The following ABLIM1 variants were observed in gnomAD, a reference collection of about 807,000 sequenced individuals.
The protein encoded by ABLIM1 is actin binding LIM protein 1, also known as actin-binding LIM protein 1.
In ABLIM1, 40 loss-of-function variants were observed where a neutral mutation model predicts 107.0. That is an observed-to-expected ratio of 0.37 (90% CI 0.29 to 0.49). ABLIM1 has a LOEUF of 0.49. Among genes scored for constraint, ABLIM1 ranks in the 20% least tolerant of loss-of-function variants. The pLI, the probability that ABLIM1 is intolerant of heterozygous loss-of-function variation, is 0.97. For synonymous variants in ABLIM1, 357 were observed against 357.3 expected (o/e 1.00, Z 0.01); for missense variants, 857 against 1,008.5 (o/e 0.85, Z 2.04).
At chr10:114,641,577 T>C (rs1236568001) in intron 1 of ABLIM1, among the ~76,000 whole-genome samples, 1 of 152,206 alleles carries the variant, frequency 6.6e-6, no homozygotes. Context: ...GGACAGAGAC[T>C]GCTAGGGGGA....
At chr10:114,441,935 A>G (rs935049979) in intron 17 of ABLIM1, 149 bp from the exon 18 acceptor site, 1 of 699,166 alleles carries the variant, frequency 1.4e-6, no homozygotes, top group African/African-American at 1.8e-5. Flanking sequence ...ATATGCCATC[A>G]TATTTGCAAG....
intron 1 of ABLIM1, 53 bp downstream of exon 1, chr10:114,657,904 T>C (rs775946054): frequency 6.9e-7 from 1 of 1,448,600 alleles, no homozygotes; most frequent in Non-Finnish European, 9.6e-7. Context: ...ACTCTCTTAA[T>C]TACGCCAATC....
chr10:114,570,415 C>T (rs1280643640), intron 4 of ABLIM1, among the ~76,000 whole-genome samples: 1 of 151,652 alleles, frequency 6.6e-6, no homozygotes, highest in Non-Finnish European at 1.5e-5. Flanking sequence ...GCAGCTTTTT[C>T]CCACACTTTC....
rs1354030166 is a variant in ABLIM1 at position 114,435,543 on chromosome 10, G to A, written c.*717C>T. The A allele has an allele frequency of 6.6e-6, 1 of 152,232 alleles. No homozygotes were observed. Among genetic ancestry groups the A allele is most frequent in the African/African-American group, 2.4e-5 (1 of 41,450 alleles). The allele number at this position is 152,232 out of a possible 1,614,324, so 9.4% of individuals were successfully genotyped here. ...CTATGGGAAGCAGAAAGAGTTAAGG[G>A]AAGGTTTCCTTTCATTCCTGTTCCT... On this transcript the variant is annotated 3_prime_UTR_variant, in exon 23 of 23. Coordinates refer to ENST00000533213, the MANE Select transcript of ABLIM1 (RefSeq NM_002313.7).
chr10:114,621,717 C>T (rs2077475747), intron 1 of ABLIM1, among the ~76,000 whole-genome samples: 1 of 152,200 alleles, frequency 6.6e-6, no homozygotes, highest in Admixed American at 6.5e-5. Flanking sequence ...ATCAGCATCC[C>T]TCTCAACACC....
chr10:114,569,782 T>C (rs1330067052), intron 4 of ABLIM1, among the ~76,000 whole-genome samples: 1 of 152,170 alleles, frequency 6.6e-6, no homozygotes, highest in Non-Finnish European at 1.5e-5. Flanking sequence ...GAAACCCTAC[T>C]AGGGGTCTAG....
At chr10:114,626,402 T>C (rs1474622141) in intron 1 of ABLIM1, among the ~76,000 whole-genome samples, 1 of 152,182 alleles carries the variant, frequency 6.6e-6, no homozygotes, top group Non-Finnish European at 1.5e-5. Context: ...TTCCTTAAGG[T>C]AGATTGTAGC....
intron 1 of ABLIM1, among the ~76,000 whole-genome samples, chr10:114,702,206 T>G (rs2081319970): frequency 6.6e-6 from 1 of 152,216 alleles, no homozygotes; most frequent in Non-Finnish European, 1.5e-5. Flanking sequence ...TATTTGCAAA[T>G]ATTTTCTCTG....
intron 1 of ABLIM1, among the ~76,000 whole-genome samples, chr10:114,640,968 T>C (rs186689939): frequency 6.6e-5 from 10 of 152,282 alleles, no homozygotes; most frequent in Non-Finnish European, 1.5e-4. Flanking sequence ...ACAGGTGTTC[T>C]ATCCCAAAAG....
intron 6 of ABLIM1, among the ~76,000 whole-genome samples, chr10:114,542,901 C>T (rs1488516010): frequency 6.6e-6 from 1 of 152,212 alleles, no homozygotes; most frequent in Admixed American, 6.5e-5. Flanking sequence ...CTCCAACAGC[C>T]TTCCTGGGGA....
At chr10:114,644,512 T>C (rs934781080) in intron 1 of ABLIM1, among the ~76,000 whole-genome samples, 1 of 151,802 alleles carries the variant, frequency 6.6e-6, no homozygotes, top group Non-Finnish European at 1.5e-5. Flanking sequence ...ATGATCTTTC[T>C]TGACGGACCT....
intron 4 of ABLIM1, among the ~76,000 whole-genome samples, chr10:114,550,382 T>G (rs552141829): frequency 1.7e-5 from 1 of 57,430 alleles, no homozygotes; most frequent in South Asian, 4.1e-4. Context: ...CTGATAGTTT[T>G]TTTTAAAAAA....
At chr10:114,618,598 C>A (rs1159357089) in intron 1 of ABLIM1, among the ~76,000 whole-genome samples, 1 of 152,212 alleles carries the variant, frequency 6.6e-6, no homozygotes, top group East Asian at 1.9e-4. Flanking sequence ...TAAAGATGTG[C>A]AGGCTGTGGC....
chr10:114,484,261 T>A (rs2057839339), intron 8 of ABLIM1, among the ~76,000 whole-genome samples: 1 of 152,090 alleles, frequency 6.6e-6, no homozygotes, highest in African/African-American at 2.4e-5. Context: ...ATCTGTAAAA[T>A]GGGAATAAGA....
the ABLIM1 span, among the ~76,000 whole-genome samples, chr10:114,786,911 G>A: frequency 1.3e-5 from 2 of 151,734 alleles, no homozygotes; most frequent in African/African-American, 2.4e-5. Flanking sequence ...TCTGCCCGGC[G>A]GCCACCCCGT....
At chr10:114,684,798 T>C in exon 1 of ABLIM1, 7 of 880,600 alleles carry the variant, frequency 7.9e-6, no homozygotes, top group Non-Finnish European at 9.5e-6. Context: ...ACACATGAAA[T>C]AAAGAAAGAA....
At chr10:114,481,287 C>T (rs995501869) in intron 8 of ABLIM1, among the ~76,000 whole-genome samples, 21 of 151,830 alleles carry the variant, frequency 1.4e-4, no homozygotes, top group Non-Finnish European at 2.5e-4. Flanking sequence ...CCCTGCCCTC[C>T]CCCCATTCAG....
At chr10:114,462,434 G>T (rs1235557095) in intron 12 of ABLIM1, among the ~76,000 whole-genome samples, 2 of 152,190 alleles carry the variant, frequency 1.3e-5, no homozygotes, top group Admixed American at 1.3e-4. Flanking sequence ...TGATGAAAAA[G>T]AAGGGATGGG....
intron 12 of ABLIM1, among the ~76,000 whole-genome samples, chr10:114,462,117 T>G (rs1212048160): frequency 6.6e-6 from 1 of 152,162 alleles, no homozygotes; most frequent in East Asian, 1.9e-4. Flanking sequence ...TTCGGTAGAC[T>G]GACAACGAAA....
Sources: allele counts gnomAD v4.1 joint callset (sites outside exome capture counted in the v4.1 genomes callset), GRCh38; gene constraint gnomAD v4.1.1; transcripts MANE v1.5; gene names NCBI Gene and HGNC (gene_info 2026-07-23, HGNC 2026-07-21).